FTO: variants seen among roughly 807,000 people sequenced by gnomAD.
The protein encoded by FTO is alpha-ketoglutarate-dependent dioxygenase FTO.
FTO carries 47 observed loss-of-function variants against 63.9 expected under a neutral mutation model. The observed-to-expected ratio is 0.74, with a 90% CI of 0.58 to 0.94. FTO has a LOEUF of 0.94. Ranked by LOEUF, FTO falls within the 40% of genes least tolerant of loss-of-function variation. FTO has a pLI of 0.00. For missense variants in FTO, 562 were observed against 618.1 expected (o/e 0.91, Z 0.96); for synonymous variants, 207 against 224.4 (o/e 0.92, Z 0.69).
At chr16:53,775,369 C>G (rs2077436669) in intron 1 of FTO, among the ~76,000 whole-genome samples, 1 of 152,140 alleles carries the variant, frequency 6.6e-6, no homozygotes, top group African/African-American at 2.4e-5. Flanking sequence ...ACCTGTAACT[C>G]TTGATTCCTT....
chr16:53,848,342 C>A (rs1254541605), intron 4 of FTO, among the ~76,000 whole-genome samples: 1 of 152,110 alleles, frequency 6.6e-6, no homozygotes, highest in Admixed American at 6.6e-5. Context: ...GCAGGCTGAA[C>A]CCTGCTGTCT....
intron 8 of FTO, among the ~76,000 whole-genome samples, chr16:54,069,505 A>G (rs1323928283): frequency 1.3e-5 from 2 of 152,196 alleles, no homozygotes; most frequent in African/African-American, 4.8e-5. Flanking sequence ...GGGGAAAAAC[A>G]AAAAGGCAAT....
rs536011832 is a variant in FTO, at chr16:54,116,451, G to A, written c.*4536G>A. 38 of 152,204 alleles carry A rather than the reference G, an allele frequency of 2.5e-4. 1 individual carries two copies. The highest frequency in any genetic ancestry group is 8.2e-4 in the African/African-American group (34 of 41,552). The allele number at this position is 152,204 out of a possible 1,614,324, so 9.4% of individuals were successfully genotyped here. A position where few individuals can be genotyped will look rare whatever the true frequency, so the allele number is the denominator to read the frequency against. The stretch of plus-strand genomic sequence containing the variant: ...CCGAAGTGGTAATGCCGTTTATCCC[G>A]TTTGCCTTTGTTACTCTGTGATTAA... On this transcript the variant is annotated 3_prime_UTR_variant, in exon 9 of 9. Coordinates refer to ENST00000471389, the MANE Select transcript of FTO (RefSeq NM_001080432.3).
intron 4 of FTO, among the ~76,000 whole-genome samples, chr16:53,855,644 T>C (rs947198169): frequency 1.3e-5 from 2 of 152,184 alleles, no homozygotes; most frequent in Admixed American, 6.5e-5. Flanking sequence ...GTTTTGAAAT[T>C]CCTTCTCAAA....
At chr16:53,730,717 G>A (rs987109820) in intron 1 of FTO, among the ~76,000 whole-genome samples, 3 of 151,958 alleles carry the variant, frequency 2.0e-5, no homozygotes, top group African/African-American at 7.3e-5. Context: ...GGTTGGTCTT[G>A]AACTCCTGGG....
At chr16:53,732,292 C>G (rs1465019634) in intron 1 of FTO, among the ~76,000 whole-genome samples, 1 of 152,090 alleles carries the variant, frequency 6.6e-6, no homozygotes, top group African/African-American at 2.4e-5. Flanking sequence ...ACCTCGTGAT[C>G]CACCTGTGTT....
chr16:53,869,118 C>A (rs185357835), intron 4 of FTO, among the ~76,000 whole-genome samples: 2 of 152,278 alleles, frequency 1.3e-5, no homozygotes, highest in Admixed American at 1.3e-4. Flanking sequence ...AGACATGAGC[C>A]ACCACACCTG....
intron 8 of FTO, among the ~76,000 whole-genome samples, chr16:53,987,309 G>T (rs559938433): frequency 6.6e-6 from 1 of 152,014 alleles, no homozygotes; most frequent in Non-Finnish European, 1.5e-5. Flanking sequence ...AGCCAGGCGC[G>T]GTGGCTCACG....
chr16:53,773,745 T>G (rs2077397078), intron 1 of FTO, among the ~76,000 whole-genome samples: 1 of 152,158 alleles, frequency 6.6e-6, no homozygotes, highest in South Asian at 2.1e-4. Context: ...AGACCAGAAT[T>G]GTGTGTAACG....
intron 4 of FTO, among the ~76,000 whole-genome samples, chr16:53,850,742 C>CT (rs199545139): frequency 1.3e-5 from 2 of 150,556 alleles, no homozygotes; most frequent in East Asian, 1.9e-4. Flanking sequence ...CTGACACTCA[C>CT]TTTTTTTTTC....
Position 53,815,636 on chromosome 16 carries a change from G to GTTTTTTT in FTO, c.123+5443_123+5449dup, listed in dbSNP as rs556357629. ...ACCCTATAAGGCCATTGACTTTCTTGTTTTTTTTTTTTTTTTTTTTTTTTT... is the reference window on the plus strand; with the variant it reads ...ACCCTATAAGGCCATTGACTTTCTTGTTTTTTTTTTTTTTTTTTTTTTTTTTTTTTTT... On this transcript the variant is annotated intron_variant, in intron 2 of 8. Coordinates refer to ENST00000471389, the MANE Select transcript of FTO (RefSeq NM_001080432.3). Among the ~76,000 whole-genome samples, 194 of 98,150 alleles carry GTTTTTTT rather than the reference G, an allele frequency of 2.0e-3. 17 individuals are homozygous for GTTTTTTT. Among genetic ancestry groups the GTTTTTTT allele is most frequent in the African/African-American group, 5.8e-3 (108 of 18,542 alleles). 64.4% of individuals were successfully genotyped at this position (98,150 alleles called of 152,430 possible). A position where few individuals can be genotyped will look rare whatever the true frequency, so the allele number is the denominator to read the frequency against.
chr16:54,040,338 G>A (rs2144270407), intron 8 of FTO: 1 of 152,208 alleles, frequency 6.6e-6, no homozygotes, highest in Non-Finnish European at 1.5e-5. Flanking sequence ...CAAAATCTCA[G>A]TTACACTAAC....
At chr16:53,880,083 C>G (rs2080782270) in intron 6 of FTO, 96 bp downstream of exon 6, 3 of 883,686 alleles carry the variant, frequency 3.4e-6, no homozygotes, top group Admixed American at 2.1e-5. Context: ...CAACCTCCAT[C>G]TCCCAGGTTC....
intron 8 of FTO, 53 bp downstream of exon 8, chr16:53,934,162 T>TA: frequency 6.2e-7 from 1 of 1,606,612 alleles, no homozygotes; most frequent in Non-Finnish European, 8.5e-7. Flanking sequence ...AAGAACTATA[T>TA]TTGGCCAAGC....
Position 54,118,174 on chromosome 16 carries a change from C to G in FTO, c.*6259C>G, listed in dbSNP as rs1267715054. On this transcript the variant is annotated 3_prime_UTR_variant, in exon 9 of 9. Coordinates refer to ENST00000471389, the MANE Select transcript of FTO (RefSeq NM_001080432.3). ...CTGATCTGGTAAATGCGGTAGTTTC[C>G]TGCTGAGAGATGGGAAGTGCTGGCC... is the stretch of plus-strand genomic sequence containing the variant. The G allele has an allele frequency of 6.6e-6, 1 of 152,112 alleles. No individual in the cohort carries two copies. Among genetic ancestry groups the G allele is most frequent in the Non-Finnish European group, 1.5e-5 (1 of 68,046 alleles). The allele number at this position is 152,112 out of a possible 1,614,324, so 9.4% of individuals were successfully genotyped here. A position where few individuals can be genotyped will look rare whatever the true frequency, so the allele number is the denominator to read the frequency against.
At chr16:53,919,725 A>T (rs2081964724) in intron 7 of FTO, among the ~76,000 whole-genome samples, 1 of 152,228 alleles carries the variant, frequency 6.6e-6, no homozygotes, top group Non-Finnish European at 1.5e-5. Flanking sequence ...TAACTGAAGT[A>T]ACTCAGGAAT....
At chr16:54,015,246 T>C (rs1298132687) in intron 8 of FTO, among the ~76,000 whole-genome samples, 1 of 152,142 alleles carries the variant, frequency 6.6e-6, no homozygotes, top group Admixed American at 6.5e-5. Flanking sequence ...ATTTATGTAT[T>C]ACAAAAACAA....
chr16:53,965,462 G>A (rs1400507675), intron 8 of FTO, among the ~76,000 whole-genome samples: 2 of 152,142 alleles, frequency 1.3e-5, no homozygotes, highest in African/African-American at 4.8e-5. Context: ...ATTTAACTGT[G>A]TGGCATGTTT....
chr16:53,834,088 G>A (rs947303070), intron 3 of FTO, among the ~76,000 whole-genome samples: 11 of 151,728 alleles, frequency 7.2e-5, no homozygotes, highest in African/African-American at 1.2e-4. Flanking sequence ...GCAGTGGCGC[G>A]ATCTCAGCTC....
Sources: gnomAD v4.1 joint callset for allele counts (sites outside exome capture counted in the v4.1 genomes callset) on GRCh38, gnomAD v4.1.1 for gene constraint, MANE v1.5 for transcripts, NCBI Gene and HGNC (gene_info 2026-07-23, HGNC 2026-07-21) for gene names.